The following BLTP3A variants were observed in gnomAD, a reference collection of about 807,000 sequenced individuals.
BLTP3A encodes the protein ICBP90 binding protein 1.
At chr6:34,845,047 G>A in the BLTP3A span, among the ~76,000 whole-genome samples, 1 of 152,052 alleles carries the variant, frequency 6.6e-6, no homozygotes, top group African/African-American at 2.4e-5. Flanking sequence ...AAGAGATAGG[G>A]GTCTAGTTTC....
At chr6:34,831,428 C>T in the BLTP3A span, among the ~76,000 whole-genome samples, 26 of 152,072 alleles carry the variant, frequency 1.7e-4, no homozygotes, top group African/African-American at 5.6e-4. Context: ...GCGCCTGGCC[C>T]ACCCTTAATT....
the BLTP3A span, among the ~76,000 whole-genome samples, chr6:34,803,521 A>G: frequency 6.6e-6 from 1 of 152,054 alleles, no homozygotes; most frequent in East Asian, 1.9e-4. Flanking sequence ...AGGATATAAG[A>G]TTTCAGCTAA....
At chr6:34,836,047 A>C in the BLTP3A span, 7 of 1,369,808 alleles carry the variant, frequency 5.1e-6, no homozygotes, top group Non-Finnish European at 6.9e-6. Flanking sequence ...GAGGGAAGGA[A>C]CATCTTGCTA....
At chr6:34,807,185 T>C in the BLTP3A span, among the ~76,000 whole-genome samples, 1 of 152,182 alleles carries the variant, frequency 6.6e-6, no homozygotes, top group African/African-American at 2.4e-5. Context: ...GGAACTGTGT[T>C]AGGATGACAA....
the BLTP3A span, chr6:34,858,088 G>T: frequency 6.3e-7 from 1 of 1,596,018 alleles, no homozygotes; most frequent in South Asian, 1.1e-5. Flanking sequence ...ATACTCAGAT[G>T]ACCATTCTGA....
At chr6:34,844,198 G>A in the BLTP3A span, among the ~76,000 whole-genome samples, 9 of 152,122 alleles carry the variant, frequency 5.9e-5, no homozygotes, top group East Asian at 1.7e-3. Flanking sequence ...TAGTCAGGAT[G>A]GTCTCAGTCT....
the BLTP3A span, among the ~76,000 whole-genome samples, chr6:34,827,304 T>G: frequency 1.4e-5 from 2 of 147,488 alleles, no homozygotes; most frequent in African/African-American, 5.2e-5. Flanking sequence ...AGTGAGACTC[T>G]GTTTCAAAAA....
the BLTP3A span, among the ~76,000 whole-genome samples, chr6:34,808,544 C>T: frequency 4.1e-4 from 62 of 151,482 alleles, no homozygotes; most frequent in Middle Eastern, 3.4e-3. Context: ...CATTATAGAT[C>T]GTACAGATGT....
At chr6:34,828,068 T>C in the BLTP3A span, among the ~76,000 whole-genome samples, 1 of 152,192 alleles carries the variant, frequency 6.6e-6, no homozygotes, top group Admixed American at 6.5e-5. Flanking sequence ...ATGTACTGTA[T>C]ATATATTTGT....
the BLTP3A span, among the ~76,000 whole-genome samples, chr6:34,860,273 T>G: frequency 6.6e-6 from 1 of 151,754 alleles, no homozygotes; most frequent in African/African-American, 2.4e-5. Context: ...AGAGATAGAG[T>G]AGGGAGTAAA....
At chr6:34,834,782 A>G in the BLTP3A span, 22 of 1,614,082 alleles carry the variant, frequency 1.4e-5, no homozygotes, top group Middle Eastern at 1.6e-4. Flanking sequence ...GCTACAGACA[A>G]TGGTGATCAG....
chr6:34,847,919 T>C, the BLTP3A span, among the ~76,000 whole-genome samples: 1 of 107,984 alleles, frequency 9.3e-6, no homozygotes, highest in South Asian at 2.6e-4. Flanking sequence ...TTTCTTTTTT[T>C]CCTTTTTTTT....
chr6:34,798,851 A>G, the BLTP3A span, among the ~76,000 whole-genome samples: 1 of 152,126 alleles, frequency 6.6e-6, no homozygotes, highest in African/African-American at 2.4e-5. Context: ...CTCTGTCAAA[A>G]TGACAATCAT....
the BLTP3A span, among the ~76,000 whole-genome samples, chr6:34,860,531 A>C: frequency 6.6e-6 from 1 of 152,172 alleles, no homozygotes; most frequent in Admixed American, 6.5e-5. Flanking sequence ...AGGAGAGGAA[A>C]ACTTCAAGGG....
chr6:34,807,595 G>A, the BLTP3A span, among the ~76,000 whole-genome samples: 9 of 152,184 alleles, frequency 5.9e-5, no homozygotes, highest in Admixed American at 5.2e-4. Flanking sequence ...CTTTCAACTG[G>A]CCCAGTATTG....
chr6:34,853,944 C>T, the BLTP3A span, among the ~76,000 whole-genome samples: 8 of 151,596 alleles, frequency 5.3e-5, no homozygotes, highest in East Asian at 1.2e-3. Flanking sequence ...TGGCCAGGCA[C>T]GGTGGCTTAT....
chr6:34,843,605 T>A, the BLTP3A span, among the ~76,000 whole-genome samples: 1 of 152,224 alleles, frequency 6.6e-6, no homozygotes, highest in Admixed American at 6.5e-5. Context: ...ACAAACATTC[T>A]AATTTTACTC....
At chr6:34,798,325 C>T in the BLTP3A span, among the ~76,000 whole-genome samples, 4 of 152,042 alleles carry the variant, frequency 2.6e-5, no homozygotes, top group African/African-American at 9.7e-5. Context: ...AGTTTAGGGC[C>T]GTTATGAACA....
the BLTP3A span, among the ~76,000 whole-genome samples, chr6:34,797,162 G>A: frequency 3.9e-5 from 6 of 152,268 alleles, no homozygotes; most frequent in Non-Finnish European, 7.4e-5. Flanking sequence ...AAAGAAGTTA[G>A]GTCCACTGTG....
Sources: allele counts gnomAD v4.1 joint callset (sites outside exome capture counted in the v4.1 genomes callset), GRCh38; gene constraint gnomAD v4.1.1; transcripts MANE v1.5; gene names NCBI Gene and HGNC (gene_info 2026-07-23, HGNC 2026-07-21).